CACNA1D: variants seen among roughly 807,000 people sequenced by gnomAD.
The protein encoded by CACNA1D is voltage-dependent L-type calcium channel subunit alpha-1D.
CACNA1D carries 55 observed loss-of-function variants against 257.1 expected under a neutral mutation model. That is an observed-to-expected ratio of 0.21 (90% CI 0.17 to 0.27). The LOEUF is 0.27. Ranked by LOEUF, CACNA1D falls within the 10% of genes least tolerant of loss-of-function variation. The pLI, the probability that CACNA1D is intolerant of heterozygous loss-of-function variation, is 1.00. For synonymous variants in CACNA1D, 980 were observed against 1,014.9 expected (o/e 0.97, Z 0.65); for missense variants, 1,876 against 2,784.0 (o/e 0.67, Z 7.34).
chr3:53,637,789 C>G (rs912092605), intron 3 of CACNA1D, among the ~76,000 whole-genome samples: 16 of 152,192 alleles, frequency 1.1e-4, no homozygotes, highest in Non-Finnish European at 1.8e-4. Context: ...TGCTGACTTG[C>G]TCATTCATTT....
chr3:53,561,918 A>G (rs765052811), intron 3 of CACNA1D, among the ~76,000 whole-genome samples: 17 of 152,296 alleles, frequency 1.1e-4, no homozygotes, highest in East Asian at 5.8e-4. Flanking sequence ...TCTTGATTAC[A>G]TAGTTGATTT....
chr3:53,568,077 G>C (rs2092878467), intron 3 of CACNA1D, among the ~76,000 whole-genome samples: 1 of 152,144 alleles, frequency 6.6e-6, no homozygotes, highest in African/African-American at 2.4e-5. Context: ...GGGCTGTTTG[G>C]ATCAAATGAG....
At chr3:53,520,890 C>CTTTCTTTCTTTCT (rs1366127073) in intron 3 of CACNA1D, among the ~76,000 whole-genome samples, 95 of 120,630 alleles carry the variant, frequency 7.9e-4, no homozygotes, top group South Asian at 4.6e-3. Context: ...TTCTTTCTTT[C>CTTTCTTTCTTTCT]TTTCTTTTCT....
intron 3 of CACNA1D, among the ~76,000 whole-genome samples, chr3:53,636,608 G>A (rs949432317): frequency 3.9e-5 from 6 of 152,146 alleles, no homozygotes; most frequent in African/African-American, 1.2e-4. Context: ...GCGCCTGGCC[G>A]AAAACTATAT....
chr3:53,653,624 G>C (rs904855223), intron 4 of CACNA1D, among the ~76,000 whole-genome samples: 3 of 152,088 alleles, frequency 2.0e-5, no homozygotes, highest in African/African-American at 7.2e-5. Flanking sequence ...AAAAATATCA[G>C]GGAATTTGAA....
intron 3 of CACNA1D, among the ~76,000 whole-genome samples, chr3:53,509,180 C>T (rs1306753751): frequency 1.3e-5 from 2 of 151,344 alleles, no homozygotes; most frequent in African/African-American, 4.9e-5. Flanking sequence ...GCTGGGCAGG[C>T]AAAGCCGGAA....
At chr3:53,588,716 G>C (rs1277163224) in intron 3 of CACNA1D, among the ~76,000 whole-genome samples, 1 of 152,128 alleles carries the variant, frequency 6.6e-6, no homozygotes, top group Non-Finnish European at 1.5e-5. Context: ...CAGTTTTCAA[G>C]GTATGAATTT....
At chr3:53,730,308 G>A (rs1487670851) in intron 15 of CACNA1D, 134 bp from the exon 16 acceptor site, 1 of 708,882 alleles carries the variant, frequency 1.4e-6, no homozygotes, top group East Asian at 2.7e-5. Context: ...CTCTAGTTTT[G>A]CTGTGTGAGT....
At chr3:53,615,162 GCT>G (rs1447456419) in intron 3 of CACNA1D, among the ~76,000 whole-genome samples, 1 of 152,012 alleles carries the variant, frequency 6.6e-6, no homozygotes, top group East Asian at 1.9e-4. Flanking sequence ...TGTGTCCCCT[GCT>G]CTCAGCCCCA....
intron 3 of CACNA1D, among the ~76,000 whole-genome samples, chr3:53,642,446 A>T (rs1265604577): frequency 6.6e-6 from 1 of 152,206 alleles, no homozygotes; most frequent in East Asian, 1.9e-4. Flanking sequence ...TGCCCCTGGG[A>T]TGAGAGCAGG....
At chr3:53,553,374 T>C (rs552609521) in intron 3 of CACNA1D, among the ~76,000 whole-genome samples, 5 of 152,214 alleles carry the variant, frequency 3.3e-5, no homozygotes, top group Non-Finnish European at 7.3e-5. Context: ...GCCTGCACAG[T>C]CTTTAAGAGC....
intron 3 of CACNA1D, among the ~76,000 whole-genome samples, chr3:53,535,715 A>C (rs1453850252): frequency 6.6e-6 from 1 of 152,260 alleles, no homozygotes; most frequent in Non-Finnish European, 1.5e-5. Flanking sequence ...TAAAACTGAG[A>C]TGAAAGCTGG....
chr3:53,764,412 A>T (rs1332637909), intron 30 of CACNA1D, among the ~76,000 whole-genome samples: 1 of 152,200 alleles, frequency 6.6e-6, no homozygotes, highest in Non-Finnish European at 1.5e-5. Flanking sequence ...CCTATAATGG[A>T]AGCGAAAATA....
At chr3:53,755,914 C>G (rs574944505) in intron 29 of CACNA1D, among the ~76,000 whole-genome samples, 1 of 152,226 alleles carries the variant, frequency 6.6e-6, no homozygotes, top group African/African-American at 2.4e-5. Flanking sequence ...GGTAGTCGGG[C>G]TGAAGAACAA....
At chr3:53,550,670 G>A (rs887146932) in intron 3 of CACNA1D, among the ~76,000 whole-genome samples, 3 of 152,192 alleles carry the variant, frequency 2.0e-5, no homozygotes, top group Admixed American at 1.3e-4. Context: ...CTGTAGACTT[G>A]AGTTTCTCTC....
intron 3 of CACNA1D, among the ~76,000 whole-genome samples, chr3:53,595,812 T>G (rs557811714): frequency 6.6e-6 from 1 of 152,322 alleles, no homozygotes; most frequent in African/African-American, 2.4e-5. Flanking sequence ...CAGTCTAGTC[T>G]TCATGAGGAC....
chr3:53,601,812 G>T (rs2093446446), intron 3 of CACNA1D, among the ~76,000 whole-genome samples: 1 of 152,186 alleles, frequency 6.6e-6, no homozygotes, highest in South Asian at 2.1e-4. Context: ...CTGGGTCCAA[G>T]CGATTCCCCT....
At chr3:53,741,016 G>A (rs2095112298) in intron 21 of CACNA1D, among the ~76,000 whole-genome samples, 2 of 152,178 alleles carry the variant, frequency 1.3e-5, no homozygotes, top group Admixed American at 6.5e-5. Context: ...TACACAAAAG[G>A]AGCGCCCTTT....
chr3:53,557,765 T>A (rs2092673274), intron 3 of CACNA1D, among the ~76,000 whole-genome samples: 1 of 152,192 alleles, frequency 6.6e-6, no homozygotes, highest in Non-Finnish European at 1.5e-5. Flanking sequence ...TTACTACAGA[T>A]TTATTGTAAG....
Sources: gnomAD v4.1 joint callset for allele counts (sites outside exome capture counted in the v4.1 genomes callset) on GRCh38, gnomAD v4.1.1 for gene constraint, MANE v1.5 for transcripts, NCBI Gene and HGNC (gene_info 2026-07-23, HGNC 2026-07-21) for gene names.